Variants in ARHGEF7 observed in about 807,000 individuals in gnomAD.
ARHGEF7 encodes PAK-interacting exchange factor beta.
A neutral mutation model predicts 109.8 loss-of-function variants in ARHGEF7; 33 were observed. The ratio of observed to expected loss-of-function variants is 0.30; its 90% CI spans 0.23 to 0.40. The LOEUF (loss-of-function observed/expected upper bound fraction) is 0.40, where lower values mean the gene tolerates loss of function less well. ARHGEF7 is among the 10% of genes least tolerant of loss of function. ARHGEF7 has a pLI of 1.00. For synonymous variants in ARHGEF7, 458 were observed against 424.6 expected, an observed-to-expected ratio of 1.08 and a Z score of -0.97; for missense variants, 938 against 1,098.5, an observed-to-expected ratio of 0.85 and a Z score of 2.07.
At chr13:111,256,497 G>T (rs1030880452) in intron 8 of ARHGEF7, among the ~76,000 whole-genome samples, 2 of 152,158 alleles carry the variant, frequency 1.3e-5, no homozygotes, top group African/African-American at 4.8e-5. Flanking sequence ...GTTAGCTCCT[G>T]CCTCTGAAGT....
intron 2 of ARHGEF7, among the ~76,000 whole-genome samples, chr13:111,160,285 G>A (rs928984874): frequency 6.6e-6 from 1 of 151,600 alleles, no homozygotes; most frequent in Non-Finnish European, 1.5e-5. Flanking sequence ...CAGGTAGTGT[G>A]ATGCCTCCAG....
In ARHGEF7 at chr13:111,244,048, T is replaced by A. The variant is rs537240637; in HGVS notation, c.854+82T>A. On this transcript the variant is annotated intron_variant, in intron 7 of 21. Coordinates refer to ENST00000646102, the MANE Select transcript of ARHGEF7 (RefSeq NM_001354046.2). Reference sequence around the variant, plus strand: ...TCTTCTATTTTCAGAGAATAGAGGGTTAAATAGTGAAACAAAATTTAGTGT... The same window carrying A: ...TCTTCTATTTTCAGAGAATAGAGGGATAAATAGTGAAACAAAATTTAGTGT... The A allele has an allele frequency of 2.0e-5, 27 of 1,340,424 alleles. No homozygotes were observed. In the South Asian group the frequency reaches 3.0e-4, roughly 15 times the overall value. 83.0% of individuals were successfully genotyped at this position (1,340,424 alleles called of 1,614,324 possible). A position where few individuals can be genotyped will look rare whatever the true frequency, so the allele number is the denominator to read the frequency against.
chr13:111,153,654 G>C, intron 1 of ARHGEF7: 2 of 1,224,196 alleles, frequency 1.6e-6, no homozygotes, highest in Non-Finnish European at 2.0e-6. Flanking sequence ...GTCACTTCCG[G>C]CGCCGGGGCT....
chr13:111,292,434 A>C, intron 19 of ARHGEF7, 140 bp downstream of exon 19: 1 of 1,466,770 alleles, frequency 6.8e-7, no homozygotes, highest in Non-Finnish European at 9.0e-7. Context: ...ATATTTTAAC[A>C]ACTTTTGAGA....
At chr13:111,219,645 GTT>G (rs550988099) in intron 5 of ARHGEF7, among the ~76,000 whole-genome samples, 3 of 147,712 alleles carry the variant, frequency 2.0e-5, no homozygotes, top group Non-Finnish European at 3.0e-5. Context: ...TCGCCAACTT[GTT>G]TTTTTTTTTC....
intron 9 of ARHGEF7, among the ~76,000 whole-genome samples, chr13:111,271,348 G>C (rs1443335121): frequency 6.6e-6 from 1 of 152,162 alleles, no homozygotes; most frequent in African/African-American, 2.4e-5. Flanking sequence ...CATCTTCCCG[G>C]GGAAGGTGGA....
chr13:111,192,082 G>A (rs1285148887), intron 2 of ARHGEF7, among the ~76,000 whole-genome samples: 2 of 152,160 alleles, frequency 1.3e-5, no homozygotes, highest in Admixed American at 1.3e-4. Flanking sequence ...TTTTTAGTCT[G>A]GGATATTTCC....
intron 2 of ARHGEF7, 111 bp downstream of exon 2, chr13:111,154,102 C>T (rs980757174): frequency 1.2e-5 from 13 of 1,101,556 alleles, no homozygotes; most frequent in Non-Finnish European, 1.6e-5. Flanking sequence ...CCGGATCCGA[C>T]CCTCCCCGGC....
intron 12 of ARHGEF7, chr13:111,276,034 C>A: frequency 3.9e-6 from 1 of 259,214 alleles, no homozygotes; most frequent in South Asian, 5.0e-5. Flanking sequence ...GGCTCACTCT[C>A]ACAGGGACCT....
At chr13:111,292,970 C>T (rs1420409971) in intron 19 of ARHGEF7, 8 of 985,376 alleles carry the variant, frequency 8.1e-6, no homozygotes, top group East Asian at 2.3e-4. Flanking sequence ...CTGTGTGCTG[C>T]GTTGTGGCCG....
chr13:111,301,715 A>T (rs1482689992), intron 21 of ARHGEF7, among the ~76,000 whole-genome samples, 183 bp downstream of exon 21: 1 of 152,182 alleles, frequency 6.6e-6, no homozygotes, highest in African/African-American at 2.4e-5. Context: ...CAACATGGCA[A>T]AAACCCATCT....
intron 8 of ARHGEF7, chr13:111,267,033 T>C (rs2091707514): frequency 2.5e-6 from 1 of 404,628 alleles, no homozygotes; most frequent in Admixed American, 2.6e-5. Flanking sequence ...TTTGTTCTCA[T>C]GAGTTTATGC....
In ARHGEF7 at chr13:111,189,404, C is replaced by T. The variant is rs1049483654; in HGVS notation, c.253-15885C>T. Among the ~76,000 whole-genome samples the T allele has an allele frequency of 3.3e-5, 5 of 152,184 alleles. No individual in the cohort carries two copies. In the East Asian group the frequency reaches 5.8e-4, roughly 18 times the overall value. On this transcript the variant is annotated intron_variant, in intron 2 of 21. Transcript: ENST00000646102. ...GTCTTGCTGACTTCAGGAGTGAAGC[C>T]GCAGACCTTCGCAGTGAGTGTTACA...
At chr13:111,231,780 C>T (rs1306913927) in intron 5 of ARHGEF7, among the ~76,000 whole-genome samples, 2 of 152,076 alleles carry the variant, frequency 1.3e-5, no homozygotes, top group Non-Finnish European at 2.9e-5. Context: ...TGCTCACACA[C>T]CAGAGGGGAG....
chr13:111,254,004 G>C (rs2090108038), intron 8 of ARHGEF7, among the ~76,000 whole-genome samples: 2 of 152,216 alleles, frequency 1.3e-5, no homozygotes, highest in African/African-American at 4.8e-5. Flanking sequence ...ATCACAGGAT[G>C]CCACGCCTGT....
chr13:111,233,414 C>T (rs1421450054), intron 6 of ARHGEF7, 121 bp downstream of exon 6: 1 of 767,330 alleles, frequency 1.3e-6, no homozygotes, highest in Non-Finnish European at 2.2e-6. Flanking sequence ...CATTCATCTG[C>T]CACACAAATG....
At chr13:111,293,124 C>G in intron 19 of ARHGEF7, 11 of 985,410 alleles carry the variant, frequency 1.1e-5, no homozygotes, top group Non-Finnish European at 1.3e-5. Flanking sequence ...ACAGTAAAAT[C>G]TCTACACTAA....
intron 8 of ARHGEF7, among the ~76,000 whole-genome samples, chr13:111,250,339 T>C (rs996856156): frequency 2.6e-5 from 4 of 152,198 alleles, no homozygotes; most frequent in Admixed American, 1.3e-4. Context: ...GTGCACACGC[T>C]GCCACCACGT....
intron 5 of ARHGEF7, among the ~76,000 whole-genome samples, chr13:111,232,686 G>A (rs2153526536): frequency 6.6e-6 from 1 of 152,080 alleles, no homozygotes; most frequent in East Asian, 1.9e-4. Flanking sequence ...TCTTGTTTTT[G>A]CCCCTGCTTG....
Sources: allele counts gnomAD v4.1 joint callset (sites outside exome capture counted in the v4.1 genomes callset), GRCh38; gene constraint gnomAD v4.1.1; transcripts MANE v1.5; gene names NCBI Gene and HGNC (gene_info 2026-07-23, HGNC 2026-07-21).